HGF: variants seen among roughly 807,000 people sequenced by gnomAD.
HGF encodes the protein fibroblast-derived tumor cytotoxic factor.
A neutral mutation model predicts 111.6 loss-of-function variants in HGF; 39 were observed. That is an observed-to-expected ratio of 0.35 (90% CI 0.27 to 0.46). The LOEUF (loss-of-function observed/expected upper bound fraction) is 0.46, where lower values mean the gene tolerates loss of function less well. HGF is among the 20% of genes least tolerant of loss of function. HGF has a pLI of 1.00. For synonymous variants in HGF, 285 were observed against 294.8 expected, an observed-to-expected ratio of 0.97 and a Z score of 0.34; for missense variants, 735 against 910.5, an observed-to-expected ratio of 0.81 and a Z score of 2.48.
intron 4 of HGF, among the ~76,000 whole-genome samples, chr7:81,753,288 A>T (rs1173562917): frequency 1.3e-5 from 2 of 152,102 alleles, no homozygotes; most frequent in Non-Finnish European, 2.9e-5. Flanking sequence ...CAGACTTTAC[A>T]CAAAAGATCA....
At chr7:81,720,181 T>C (rs943896926) in intron 10 of HGF, among the ~76,000 whole-genome samples, 3 of 152,210 alleles carry the variant, frequency 2.0e-5, no homozygotes, top group African/African-American at 7.2e-5. Context: ...CAACTACATA[T>C]ACATTCCTGT....
At chr7:81,749,256 T>C (rs1361072543) in intron 5 of HGF, among the ~76,000 whole-genome samples, 3 of 152,158 alleles carry the variant, frequency 2.0e-5, no homozygotes, top group Non-Finnish European at 4.4e-5. Flanking sequence ...ATAATGATTA[T>C]GGCTTAATTA....
intron 1 of HGF, among the ~76,000 whole-genome samples, chr7:81,766,576 G>A (rs1178319648): frequency 6.6e-6 from 1 of 152,190 alleles, no homozygotes; most frequent in Non-Finnish European, 1.5e-5. Context: ...TGTGTCAGAT[G>A]TAAATCAAAT....
intron 4 of HGF, chr7:81,756,886 G>A (rs188847507): frequency 5.3e-5 from 23 of 436,152 alleles, no homozygotes; most frequent in Admixed American, 2.5e-4. Context: ...GCACAGTGCC[G>A]TACTTTCTCA....
At chr7:81,707,956 T>C (rs1051495036) in intron 13 of HGF, among the ~76,000 whole-genome samples, 1 of 152,124 alleles carries the variant, frequency 6.6e-6, no homozygotes, top group Non-Finnish European at 1.5e-5. Context: ...GTAAAACAAT[T>C]TTGCAAGGCA....
Position 81,706,385 on chromosome 7 carries a change from G to A in HGF, c.1659C>T (p.Val553=), listed in dbSNP as rs2115771855. The stretch of plus-strand genomic sequence containing the variant: ...TGCATTTCTCATCTCCTCTTCCGTG[G>A]ACATCATGAATTCCAAGCCAAGCTT... ...DYEAWLGIHD[V]HGRGDEKCKQ... is the part of the protein sequence containing the mutation. Residue 553 remains valine, a synonymous_variant, in exon 15 of 18, where the codon GTC becomes GTT. Coordinates refer to ENST00000222390, the MANE Select transcript of HGF (RefSeq NM_000601.6). The A allele has an allele frequency of 6.2e-7, 1 of 1,612,208 alleles. No homozygotes were observed. The highest frequency in any genetic ancestry group is 8.5e-7 in the Non-Finnish European group (1 of 1,178,560).
chr7:81,709,131 C>T (rs890354519), intron 13 of HGF, among the ~76,000 whole-genome samples: 14 of 152,086 alleles, frequency 9.2e-5, no homozygotes, highest in African/African-American at 3.4e-4. Context: ...TTCTTTTTCT[C>T]TACTCTAGGA....
At chr7:81,746,990 T>A (rs1788283362) in intron 5 of HGF, among the ~76,000 whole-genome samples, 1 of 152,134 alleles carries the variant, frequency 6.6e-6, no homozygotes, top group African/African-American at 2.4e-5. Flanking sequence ...ATTGCTGCTG[T>A]TGCTGGTACT....
At chr7:81,705,837 T>C (rs747234621) in intron 15 of HGF, 84 bp from the exon 16 acceptor site, 10 of 817,554 alleles carry the variant, frequency 1.2e-5, no homozygotes, top group East Asian at 2.7e-5. Flanking sequence ...TCATGTTTAA[T>C]ATGGCATTTA....
intron 3 of HGF, 34 bp downstream of exon 3, chr7:81,758,658 T>C: frequency 1.7e-6 from 2 of 1,206,200 alleles, no homozygotes; most frequent in Non-Finnish European, 2.5e-6. Context: ...TATACTTTAT[T>C]TCATTATGCA....
chr7:81,709,168 A>T (rs964548802), intron 13 of HGF, among the ~76,000 whole-genome samples: 2 of 152,164 alleles, frequency 1.3e-5, no homozygotes, highest in African/African-American at 4.8e-5. Flanking sequence ...ACAGGAGGGT[A>T]TTCTAAAAGA....
intron 2 of HGF, among the ~76,000 whole-genome samples, chr7:81,760,464 C>T (rs376647348): frequency 3.3e-5 from 5 of 152,256 alleles, no homozygotes; most frequent in South Asian, 2.1e-4. Flanking sequence ...CACTCATTCA[C>T]GTCACAGATG....
At position 81,710,036 on chromosome 7, in the gene HGF, G is replaced by A. The variant is rs979430434; in HGVS notation, c.1541+111C>T. On this transcript the variant is annotated intron_variant, in intron 13 of 17. Coordinates refer to ENST00000222390, the MANE Select transcript of HGF (RefSeq NM_000601.6). The stretch of plus-strand genomic sequence containing the variant: ...GCTTCCTCTTTTACTGCCTCACCCA[G>A]GTGCCCTGTGGAGGGTACAACCTTC... The A allele has an allele frequency of 6.6e-6, 5 of 761,450 alleles. No homozygotes were observed. The African/African-American group carries it at 8.6e-5, about 13-fold the overall frequency. 47.2% of individuals were successfully genotyped at this position (761,450 alleles called of 1,614,324 possible).
At chr7:81,710,866 C>T (rs540086407) in intron 12 of HGF, among the ~76,000 whole-genome samples, 1 of 152,280 alleles carries the variant, frequency 6.6e-6, no homozygotes, top group African/African-American at 2.4e-5. Context: ...TGCCCATGGT[C>T]TAGAATAGAT....
At chr7:81,713,992 G>A (rs1438601696) in intron 11 of HGF, among the ~76,000 whole-genome samples, 12 of 20,066 alleles carry the variant, frequency 6.0e-4, no homozygotes, top group East Asian at 1.4e-3. Context: ...GTGTGTGCGT[G>A]TGTGTGTGTG....
rs183087751 is a variant in HGF, at chr7:81,727,845, C to T, written c.1040+1760G>A. On this transcript the variant is annotated intron_variant, in intron 8 of 17. Transcript: ENST00000222390. ...ACTTTAACATCTGTATTAGAAGCAC[C>T]TCAATCAATAATCTAGATTAAGCAA... Among the ~76,000 whole-genome samples the T allele has an allele frequency of 5.3e-4, 81 of 152,208 alleles. 1 individual carries two copies. The highest frequency in any genetic ancestry group is 1.9e-3 in the African/African-American group (78 of 41,522).
intron 7 of HGF, among the ~76,000 whole-genome samples, chr7:81,732,954 C>T (rs1787715117): frequency 6.6e-6 from 1 of 152,158 alleles, no homozygotes; most frequent in South Asian, 2.1e-4. Flanking sequence ...TTCAGACATG[C>T]ATTGTTAGTG....
At chr7:81,708,063 A>G (rs1789474010) in intron 13 of HGF, among the ~76,000 whole-genome samples, 1 of 152,012 alleles carries the variant, frequency 6.6e-6, no homozygotes, top group African/African-American at 2.4e-5. Context: ...TTTTTTTGGC[A>G]GAGACATGGA....
chr7:81,717,005 C>T (rs1789730105), intron 11 of HGF, among the ~76,000 whole-genome samples: 1 of 151,992 alleles, frequency 6.6e-6, no homozygotes, highest in Admixed American at 6.6e-5. Flanking sequence ...AGAGAATCTC[C>T]ATTAAAATGT....
Sources: allele counts gnomAD v4.1 joint callset (sites outside exome capture counted in the v4.1 genomes callset), GRCh38; gene constraint gnomAD v4.1.1; transcripts MANE v1.5; gene names NCBI Gene and HGNC (gene_info 2026-07-23, HGNC 2026-07-21).